The following TVP23C variants were observed in gnomAD, a reference collection of about 807,000 sequenced individuals.
The protein encoded by TVP23C is trans-golgi network vesicle protein 23 homolog C.
Under a neutral mutation model 28.7 loss-of-function variants are expected in TVP23C, and 19 were observed. The observed-to-expected ratio is 0.66, with a 90% CI of 0.46 to 0.97. The LOEUF (loss-of-function observed/expected upper bound fraction) is 0.97, where lower values mean the gene tolerates loss of function less well. TVP23C is among the 50% of genes least tolerant of loss of function. The probability of loss-of-function intolerance (pLI) is 0.00; values close to 1 mark genes in which losing one functional copy is unlikely to be tolerated. For synonymous variants in TVP23C, 68 were observed against 81.7 expected (o/e 0.83, Z 0.90); for missense variants, 186 against 241.3 (o/e 0.77, Z 1.52).
intron 3 of TVP23C, among the ~76,000 whole-genome samples, chr17:15,552,407 C>T (rs1215170245): frequency 1.3e-5 from 2 of 152,208 alleles, no homozygotes; most frequent in Non-Finnish European, 2.9e-5. Flanking sequence ...GATGGCCAGG[C>T]GCAGTGGCTC....
intron 5 of TVP23C, among the ~76,000 whole-genome samples, chr17:15,520,327 TCTAA>T (rs1248145089): frequency 6.7e-6 from 1 of 149,000 alleles, no homozygotes; most frequent in Non-Finnish European, 1.5e-5. Flanking sequence ...GCCCAGGACT[TCTAA>T]CTATTTTCCA....
intron 5 of TVP23C, among the ~76,000 whole-genome samples, chr17:15,523,828 T>C (rs866619748): frequency 5.9e-5 from 9 of 151,994 alleles, no homozygotes; most frequent in Middle Eastern, 3.4e-3. Context: ...TTAGCCAGGA[T>C]GGTCTCGATC....
chr17:15,540,923 T>C (rs1435828120), intron 5 of TVP23C, among the ~76,000 whole-genome samples: 1 of 152,240 alleles, frequency 6.6e-6, no homozygotes, highest in Non-Finnish European at 1.5e-5. Context: ...AAGGTTCAAA[T>C]GTTAATTATT....
downstream of TVP23C, among the ~76,000 whole-genome samples, chr17:15,534,876 G>A (rs1464002646): frequency 1.3e-5 from 2 of 151,882 alleles, no homozygotes; most frequent in Non-Finnish European, 2.9e-5. Context: ...ACTGAGGCAG[G>A]AGAATCACTT....
chr17:15,543,766 C>A (rs1470195736), intron 5 of TVP23C, among the ~76,000 whole-genome samples: 1 of 151,632 alleles, frequency 6.6e-6, no homozygotes, highest in Non-Finnish European at 1.5e-5. Flanking sequence ...AACTTGTCCC[C>A]CTGTGTCCCC....
intron 1 of TVP23C, chr17:15,562,586 A>AT (rs1984448708): frequency 6.6e-6 from 1 of 151,944 alleles, no homozygotes; most frequent in Non-Finnish European, 1.5e-5. Flanking sequence ...CCATTATTAG[A>AT]TTTTCTCCAC....
At chr17:15,543,469 T>C (rs1162548358) in intron 5 of TVP23C, among the ~76,000 whole-genome samples, 1 of 150,866 alleles carries the variant, frequency 6.6e-6, no homozygotes, top group Non-Finnish European at 1.5e-5. Context: ...CCCACCAAAA[T>C]AAAAGCATTC....
At chr17:15,505,973 C>G (rs963646453) in intron 5 of TVP23C, among the ~76,000 whole-genome samples, 1 of 152,260 alleles carries the variant, frequency 6.6e-6, no homozygotes, top group Non-Finnish European at 1.5e-5. Flanking sequence ...GCCTCCCACC[C>G]GCTCCATGGG....
Position 15,557,813 on chromosome 17 carries a change from T to A in TVP23C, c.13-2449A>T, listed in dbSNP as rs370433839. Among the ~76,000 whole-genome samples the A allele has an allele frequency of 7.4e-3, 1,031 of 138,740 alleles. 68 individuals are homozygous for A. The highest frequency in any genetic ancestry group is 0.012 in the Non-Finnish European group (755 of 62,392). The allele number at this position is 138,740 out of a possible 152,430, so 91.0% of individuals were successfully genotyped here. A position where few individuals can be genotyped will look rare whatever the true frequency, so the allele number is the denominator to read the frequency against. On this transcript the variant is annotated intron_variant, in intron 1 of 5. Transcript: ENST00000518321. ...ACTGGAGAAGCTTTCTGGAGGAGAG[T>A]TTGTCAGCTGGGCCCTGACAGTCCG...
chr17:15,503,007 G>A (rs989070275), exon 6 of TVP23C: 1 of 1,614,162 alleles, frequency 6.2e-7, no homozygotes, highest in Non-Finnish European at 8.5e-7. Flanking sequence ...CAGTTGCCTG[G>A]AGCCGCACGA....
At chr17:15,552,533 A>C (rs1376909599) in intron 3 of TVP23C, among the ~76,000 whole-genome samples, 1 of 151,988 alleles carries the variant, frequency 6.6e-6, no homozygotes, top group African/African-American at 2.4e-5. Context: ...AATACAAAAA[A>C]ATTAGCCAGG....
chr17:15,544,748 T>TAAAGAAG (rs1983569081), intron 5 of TVP23C, among the ~76,000 whole-genome samples: 3 of 152,164 alleles, frequency 2.0e-5, no homozygotes, highest in African/African-American at 7.2e-5. Context: ...TAAAGGTAAC[T>TAAAGAAG]ACCAGAAGAA....
intron 1 of TVP23C, chr17:15,562,742 C>T (rs1984456304): frequency 6.6e-6 from 1 of 152,234 alleles, no homozygotes; most frequent in African/African-American, 2.4e-5. Flanking sequence ...CCACCCAACC[C>T]CCATCTCCTA....
chr17:15,562,902 T>TA (rs1984466429), intron 1 of TVP23C: 1 of 153,356 alleles, frequency 6.5e-6, no homozygotes, highest in South Asian at 2.0e-4. Flanking sequence ...TAAGACAATC[T>TA]AAGTGACCAT....
At chr17:15,524,778 T>C (rs1367783401) in intron 5 of TVP23C, among the ~76,000 whole-genome samples, 1 of 152,150 alleles carries the variant, frequency 6.6e-6, no homozygotes, top group Non-Finnish European at 1.5e-5. Context: ...CTGGAAGGTT[T>C]TGCTGCTTGA....
rs746542372 is a variant in TVP23C, at chr17:15,503,159, TG to T, written c.535del (p.Gln179LysfsTer5). ...GCTCACGCCTGTTATCCCAGCGCTT[TG>T]GAAGGCGGAAGCGGGAGGATCTCTT... On this transcript the variant is annotated frameshift_variant, in exon 6 of 6. Transcript: ENST00000225576. LOFTEE classifies it low-confidence loss of function (END_TRUNC). 1.3e-6 allele frequency: 2 copies of T among 1,597,746 alleles called. No individual in the cohort carries two copies. Among genetic ancestry groups the T allele is most frequent in the African/African-American group, 2.7e-5 (2 of 74,756 alleles).
Position 15,539,051 on chromosome 17 carries a change from AT to A in TVP23C, c.*1360del. On this transcript the variant is annotated 3_prime_UTR_variant, in exon 6 of 6. Coordinates refer to ENST00000518321, the MANE Select transcript of TVP23C (RefSeq NM_001135036.2). Reference sequence around the variant, plus strand: ...CTATTAGCTGTATAATCTTAAGTAAATAATTTAATTTCTCGGGGCTTTAGTT... The same window carrying A: ...CTATTAGCTGTATAATCTTAAGTAAAAATTTAATTTCTCGGGGCTTTAGTT... 1.0e-6 allele frequency: 1 copy of A among 985,090 alleles called. No individual in the cohort carries two copies. Among genetic ancestry groups the A allele is most frequent in the Non-Finnish European group, 1.2e-6 (1 of 829,500 alleles). 61.0% of individuals were successfully genotyped at this position (985,090 alleles called of 1,614,324 possible).
intron 5 of TVP23C, among the ~76,000 whole-genome samples, chr17:15,515,976 T>G (rs1982209365): frequency 6.6e-6 from 1 of 152,160 alleles, no homozygotes. Flanking sequence ...ATTTTAAAAG[T>G]GTGTGGCCTC....
At chr17:15,524,395 A>G (rs1160386487) in intron 5 of TVP23C, among the ~76,000 whole-genome samples, 1 of 152,158 alleles carries the variant, frequency 6.6e-6, no homozygotes, top group Non-Finnish European at 1.5e-5. Flanking sequence ...TAGAATAAAG[A>G]TGAATGCTTG....
Sources: allele counts gnomAD v4.1 joint callset (sites outside exome capture counted in the v4.1 genomes callset), GRCh38; gene constraint gnomAD v4.1.1; transcripts MANE v1.5; gene names NCBI Gene and HGNC (gene_info 2026-07-23, HGNC 2026-07-21).